ZSCAN25: variants seen among roughly 807,000 people sequenced by gnomAD.
ZSCAN25 encodes zinc finger and SCAN domain-containing protein 25.
ZSCAN25 carries 27 observed loss-of-function variants against 38.7 expected under a neutral mutation model. That is an observed-to-expected ratio of 0.70 (90% CI 0.51 to 0.96). The LOEUF (loss-of-function observed/expected upper bound fraction) is 0.96. ZSCAN25 is among the 40% of genes least tolerant of loss of function. The pLI is 0.00. For missense variants in ZSCAN25, 637 were observed against 705.9 expected, an observed-to-expected ratio of 0.90 and a Z score of 1.11; for synonymous variants, 273 against 277.7, an observed-to-expected ratio of 0.98 and a Z score of 0.17.
chr7:99,722,399 C>G, the ZSCAN25 span: 1 of 1,600,330 alleles, frequency 6.2e-7, no homozygotes, highest in Non-Finnish European at 8.5e-7. Flanking sequence ...GTGTACTTAA[C>G]CCTGCCTCTA....
At chr7:99,710,093 C>T in the ZSCAN25 span, among the ~76,000 whole-genome samples, 1 of 152,180 alleles carries the variant, frequency 6.6e-6, no homozygotes, top group Non-Finnish European at 1.5e-5. Flanking sequence ...TTTGTGCTCA[C>T]CTCACTGCCA....
chr7:99,715,752 A>G, the ZSCAN25 span: 31 of 1,613,606 alleles, frequency 1.9e-5, no homozygotes, highest in Non-Finnish European at 2.5e-5. Context: ...ATAGTAGTCC[A>G]CATACTTATT....
the ZSCAN25 span, among the ~76,000 whole-genome samples, chr7:99,723,234 T>A: frequency 6.6e-6 from 1 of 152,038 alleles, no homozygotes; most frequent in Non-Finnish European, 1.5e-5. Flanking sequence ...AACAGCCAGC[T>A]CCTGTCTTAA....
chr7:99,737,471 A>G, the ZSCAN25 span, among the ~76,000 whole-genome samples: 331 of 152,228 alleles, frequency 2.2e-3, 2 homozygotes, highest in African/African-American at 7.2e-3. Flanking sequence ...GACCATATCA[A>G]TGGCATTGCT....
intron 2 of ZSCAN25, among the ~76,000 whole-genome samples, 182 bp from the exon 3 acceptor site, chr7:99,618,866 G>C (rs1806689476): frequency 6.6e-6 from 1 of 152,132 alleles, no homozygotes; most frequent in Non-Finnish European, 1.5e-5. Flanking sequence ...AGCCACACTG[G>C]GATATGGCTT....
the ZSCAN25 span, chr7:99,709,076 G>T: frequency 6.2e-7 from 1 of 1,613,932 alleles, no homozygotes; most frequent in African/African-American, 1.3e-5. Context: ...AGTACTTTGG[G>T]TCATGATGAA....
At chr7:99,621,749 C>T in intron 5 of ZSCAN25, 175 bp downstream of exon 5, 1 of 458,810 alleles carries the variant, frequency 2.2e-6, no homozygotes, top group Non-Finnish European at 3.7e-6. Context: ...GTTTCTTCTC[C>T]CTTTACCCTC....
the ZSCAN25 span, chr7:99,660,290 G>T: frequency 1.9e-6 from 2 of 1,039,256 alleles, no homozygotes; most frequent in Non-Finnish European, 2.3e-6. Flanking sequence ...ACCAGGGCCA[G>T]CAATATTGTA....
Position 99,624,054 on chromosome 7 carries a change from C to G in ZSCAN25, c.682-3C>G. The G allele has an allele frequency of 6.2e-7, 1 of 1,614,176 alleles. No homozygotes were observed. Among genetic ancestry groups the G allele is most frequent in the Non-Finnish European group, 8.5e-7 (1 of 1,180,038 alleles). On this transcript the variant is annotated splice_polypyrimidine_tract_variant and splice_region_variant and intron_variant, in intron 6 of 7. Coordinates refer to ENST00000394152, the MANE Select transcript of ZSCAN25 (RefSeq NM_145115.3). ...TATTCATAGCAATCTCCTATTGTTG[C>G]AGGGGTTGGGGCCATTTAAAGATAT...
chr7:99,715,012 G>T, the ZSCAN25 span, among the ~76,000 whole-genome samples: 1 of 152,156 alleles, frequency 6.6e-6, no homozygotes, highest in Non-Finnish European at 1.5e-5. Flanking sequence ...ATAATTTGCT[G>T]CTTAAATTAA....
chr7:99,731,293 G>A, the ZSCAN25 span: 1 of 935,062 alleles, frequency 1.1e-6, no homozygotes, highest in East Asian at 2.7e-5. Flanking sequence ...AACTCTGACG[G>A]CAATGATTAT....
At chr7:99,705,939 G>A in the ZSCAN25 span, among the ~76,000 whole-genome samples, 2 of 152,096 alleles carry the variant, frequency 1.3e-5, no homozygotes, top group African/African-American at 2.4e-5. Context: ...TAGGTATAAC[G>A]GTAAACTTTT....
the ZSCAN25 span, among the ~76,000 whole-genome samples, chr7:99,692,409 T>G: frequency 6.6e-6 from 1 of 152,292 alleles, no homozygotes; most frequent in Non-Finnish European, 1.5e-5. Context: ...CTTTGTGGTG[T>G]TCTCTGTATT....
the ZSCAN25 span, among the ~76,000 whole-genome samples, chr7:99,642,804 T>A: frequency 6.6e-6 from 1 of 152,210 alleles, no homozygotes; most frequent in African/African-American, 2.4e-5. Flanking sequence ...TTTGCTTTTT[T>A]TGCTGATATT....
the ZSCAN25 span, among the ~76,000 whole-genome samples, chr7:99,656,043 C>T: frequency 6.6e-6 from 1 of 152,164 alleles, no homozygotes; most frequent in East Asian, 1.9e-4. Flanking sequence ...AATTTGACTT[C>T]CTCTTTTCCT....
the ZSCAN25 span, chr7:99,730,698 AG>A: frequency 2.9e-5 from 7 of 242,594 alleles, no homozygotes; most frequent in Non-Finnish European, 5.7e-5. Flanking sequence ...AGCCACAATC[AG>A]GGGCTCCTGT....
chr7:99,626,047 G>C (rs1284416691), intron 7 of ZSCAN25, among the ~76,000 whole-genome samples: 8 of 152,230 alleles, frequency 5.3e-5, no homozygotes, highest in Non-Finnish European at 1.2e-4. Flanking sequence ...CTAGGTGGCT[G>C]CCCAGATCAC....
At chr7:99,735,147 T>C in the ZSCAN25 span, 1 of 1,609,336 alleles carries the variant, frequency 6.2e-7, no homozygotes, top group Non-Finnish European at 8.5e-7. Context: ...AGCAGCGTGC[T>C]GCTGTTTGCT....
chr7:99,733,036 G>A, the ZSCAN25 span, among the ~76,000 whole-genome samples: 8 of 152,136 alleles, frequency 5.3e-5, no homozygotes, highest in Admixed American at 2.0e-4. Flanking sequence ...ATGGAGGCTC[G>A]TGTTTGGAGA....
Sources: gnomAD v4.1 joint callset for allele counts (sites outside exome capture counted in the v4.1 genomes callset) on GRCh38, gnomAD v4.1.1 for gene constraint, MANE v1.5 for transcripts, NCBI Gene and HGNC (gene_info 2026-07-23, HGNC 2026-07-21) for gene names.